CCSER1: variants seen among roughly 807,000 people sequenced by gnomAD.
The protein encoded by CCSER1 is coiled-coil serine rich protein 1, also known as serine-rich coiled-coil domain-containing protein 1.
A neutral mutation model predicts 82.0 loss-of-function variants in CCSER1; 41 were observed. That is an observed-to-expected ratio of 0.50 (90% CI 0.39 to 0.65). The LOEUF (loss-of-function observed/expected upper bound fraction) is 0.65. CCSER1 is among the 30% of genes least tolerant of loss of function. CCSER1 has a pLI of 0.00. For synonymous variants in CCSER1, 414 were observed against 383.9 expected (o/e 1.08, Z -0.92); for missense variants, 1,119 against 1,064.2 (o/e 1.05, Z -0.72).
At chr4:90,371,149 T>A (rs1438496542) in intron 3 of CCSER1, among the ~76,000 whole-genome samples, 1 of 149,674 alleles carries the variant, frequency 6.7e-6, no homozygotes, top group Non-Finnish European at 1.5e-5. Context: ...TTATATGTTG[T>A]GTGTTCATAT....
chr4:90,223,151 T>G (rs777184534), intron 1 of CCSER1, among the ~76,000 whole-genome samples: 3 of 152,186 alleles, frequency 2.0e-5, no homozygotes, highest in African/African-American at 4.8e-5. Flanking sequence ...CACTGATATA[T>G]TCCTCATTTC....
At chr4:90,804,542 C>G (rs964626747) in intron 7 of CCSER1, among the ~76,000 whole-genome samples, 1 of 152,130 alleles carries the variant, frequency 6.6e-6, no homozygotes, top group Non-Finnish European at 1.5e-5. Context: ...GGTGTTATTT[C>G]TGAGGCCTCT....
At chr4:90,558,270 A>T (rs903626183) in intron 5 of CCSER1, among the ~76,000 whole-genome samples, 1 of 152,196 alleles carries the variant, frequency 6.6e-6, no homozygotes, top group African/African-American at 2.4e-5. Context: ...ATTCTTTATA[A>T]AAACAATTAT....
chr4:90,198,860 G>T (rs115777451), intron 1 of CCSER1, among the ~76,000 whole-genome samples: 1 of 152,168 alleles, frequency 6.6e-6, no homozygotes, highest in East Asian at 1.9e-4. Flanking sequence ...TAATATAAAT[G>T]TTTTGAAACT....
chr4:90,389,820 G>GT (rs898195025), intron 3 of CCSER1, among the ~76,000 whole-genome samples: 274 of 151,602 alleles, frequency 1.8e-3, no homozygotes, highest in African/African-American at 5.7e-3. Context: ...TTAATTTCTA[G>GT]TTTTTTTTTA....
intron 10 of CCSER1, among the ~76,000 whole-genome samples, chr4:91,417,307 G>A (rs972353638): frequency 1.3e-5 from 2 of 152,150 alleles, no homozygotes; most frequent in Non-Finnish European, 2.9e-5. Flanking sequence ...TCTAGAAGCA[G>A]AGATATCATT....
intron 4 of CCSER1, among the ~76,000 whole-genome samples, chr4:90,441,631 A>G (rs1220288233): frequency 1.3e-5 from 2 of 152,338 alleles, no homozygotes; most frequent in Admixed American, 6.5e-5. Flanking sequence ...GATTCAGTCT[A>G]TAGCAATTAT....
chr4:90,852,096 C>T (rs545016234), intron 8 of CCSER1, among the ~76,000 whole-genome samples: 4 of 149,170 alleles, frequency 2.7e-5, no homozygotes, highest in African/African-American at 9.7e-5. Context: ...TTAGCAAGTA[C>T]ATAATAAAGA....
intron 3 of CCSER1, among the ~76,000 whole-genome samples, chr4:90,391,499 G>A (rs1751120170): frequency 7.8e-5 from 5 of 64,240 alleles, no homozygotes; most frequent in South Asian, 4.5e-4. Context: ...CACACACAGT[G>A]GGTAAATATA....
chr4:91,021,451 A>G (rs983004319), intron 9 of CCSER1, among the ~76,000 whole-genome samples: 1 of 152,230 alleles, frequency 6.6e-6, no homozygotes, highest in African/African-American at 2.4e-5. Flanking sequence ...ATCAACTTTG[A>G]TTTAAAAATA....
chr4:90,314,800 T>G (rs1412280066), intron 3 of CCSER1, among the ~76,000 whole-genome samples: 1 of 150,388 alleles, frequency 6.6e-6, no homozygotes, highest in Non-Finnish European at 1.5e-5. Context: ...TAAAAAGTGC[T>G]TCTTATAATA....
chr4:91,235,229 A>G (rs1738913603), intron 10 of CCSER1, among the ~76,000 whole-genome samples: 1 of 152,126 alleles, frequency 6.6e-6, no homozygotes, highest in Non-Finnish European at 1.5e-5. Flanking sequence ...GAAGAGAGGT[A>G]TACATAGCAA....
chr4:91,280,815 C>T (rs1742859357), intron 10 of CCSER1, among the ~76,000 whole-genome samples: 1 of 152,110 alleles, frequency 6.6e-6, no homozygotes, highest in Non-Finnish European at 1.5e-5. Context: ...CAGTACCTGG[C>T]TGTGGGAAGG....
At chr4:90,918,444 A>C (rs779586231) in intron 8 of CCSER1, 25 of 339,268 alleles carry the variant, frequency 7.4e-5, no homozygotes, top group Non-Finnish European at 1.3e-4. Flanking sequence ...AGATATCCCT[A>C]GTCACTTGAG....
At chr4:90,923,162 A>G (rs2150249994) in intron 8 of CCSER1, among the ~76,000 whole-genome samples, 1 of 152,292 alleles carries the variant, frequency 6.6e-6, no homozygotes, top group Non-Finnish European at 1.5e-5. Context: ...CCTACAGTAG[A>G]AGAAAAGATG....
chr4:91,156,698 T>G lies in CCSER1; in HGVS notation c.2217+70704T>G, dbSNP rs574416106. 5.0e-4 allele frequency among the ~76,000 whole-genome samples: 76 copies of G among 151,936 alleles called. 1 individual carries two copies. Among genetic ancestry groups the G allele is most frequent in the African/African-American group, 1.5e-3 (64 of 41,524 alleles). On this transcript the variant is annotated intron_variant, in intron 10 of 10. Transcript: ENST00000509176. ...CAGGAACTTCTTCATCTTTCTGAAA[T>G]CAAATCCGTAAATCTTTCTTCATTT...
chr4:90,825,724 G>C lies in CCSER1; in HGVS notation c.2094+9879G>C, dbSNP rs143081396. On this transcript the variant is annotated intron_variant, in intron 8 of 10. Coordinates refer to ENST00000509176, the MANE Select transcript of CCSER1 (RefSeq NM_001145065.2). ...GTATTTTTTTGTTTGTTTTGTTTTTGTTGTTGCTTTTTTTTTTTTTTTTTG... is the reference window on the plus strand; with the variant it reads ...GTATTTTTTTGTTTGTTTTGTTTTTCTTGTTGCTTTTTTTTTTTTTTTTTG... 7.2e-3 allele frequency among the ~76,000 whole-genome samples: 1,010 copies of C among 140,176 alleles called. 4 individuals carry two copies. The highest frequency in any genetic ancestry group is 0.012 in the Non-Finnish European group (782 of 64,454). 92.0% of individuals were successfully genotyped at this position (140,176 alleles called of 152,430 possible).
chr4:90,644,397 A>C (rs1727111014), intron 6 of CCSER1, among the ~76,000 whole-genome samples: 1 of 152,194 alleles, frequency 6.6e-6, no homozygotes. Flanking sequence ...GTTGGCACTC[A>C]AAAAGTTGTA....
chr4:91,369,958 G>T (rs1451996925), intron 10 of CCSER1, among the ~76,000 whole-genome samples: 1 of 151,742 alleles, frequency 6.6e-6, no homozygotes, highest in African/African-American at 2.4e-5. Context: ...GGGATTATAG[G>T]CATGAGCCAC....
Sources: gnomAD v4.1 joint callset for allele counts (sites outside exome capture counted in the v4.1 genomes callset) on GRCh38, gnomAD v4.1.1 for gene constraint, MANE v1.5 for transcripts, NCBI Gene and HGNC (gene_info 2026-07-23, HGNC 2026-07-21) for gene names.